ANK3: variants seen among roughly 807,000 people sequenced by gnomAD.
ANK3 encodes the protein ankyrin 3.
Under a neutral mutation model 370.9 loss-of-function variants are expected in ANK3, and 57 were observed. The observed-to-expected ratio is 0.15, with a 90% CI of 0.12 to 0.19. The LOEUF (loss-of-function observed/expected upper bound fraction) is 0.19. ANK3 is among the 10% of genes least tolerant of loss of function. ANK3 has a pLI of 1.00. For synonymous variants in ANK3, 1,929 were observed against 1,946.3 expected, an observed-to-expected ratio of 0.99 and a Z score of 0.23; for missense variants, 4,439 against 5,302.1, an observed-to-expected ratio of 0.84 and a Z score of 5.06.
chr10:60,312,164 A>T (rs1306578021), intron 1 of ANK3, among the ~76,000 whole-genome samples: 1 of 152,236 alleles, frequency 6.6e-6, no homozygotes, highest in East Asian at 1.9e-4. Context: ...CCAAGGGAAG[A>T]AGTCAAGCAA....
intron 1 of ANK3, among the ~76,000 whole-genome samples, chr10:60,297,376 A>T (rs918654947): frequency 6.6e-6 from 1 of 152,186 alleles, no homozygotes; most frequent in African/African-American, 2.4e-5. Flanking sequence ...AAAATAAAAG[A>T]ATTAAATTCC....
In ANK3 at chr10:60,102,110, T is replaced by C. The variant is rs138241508; in HGVS notation, c.3328+3795A>G. On this transcript the variant is annotated intron_variant, in intron 28 of 43. Coordinates refer to ENST00000280772, the MANE Select transcript of ANK3 (RefSeq NM_020987.5). The stretch of plus-strand genomic sequence containing the variant: ...CTTTTACTAGCTGATGTAGTGTCTT[T>C]GTACGATTTGGAAAAGGGTGCCCAC... 4.4e-3 allele frequency among the ~76,000 whole-genome samples: 663 copies of C among 150,800 alleles called. 7 individuals carry two copies. The highest frequency in any genetic ancestry group is 0.016 in the African/African-American group (635 of 40,954).
At chr10:60,441,568 A>G (rs2064300102) in intron 2 of ANK3, among the ~76,000 whole-genome samples, 1 of 152,184 alleles carries the variant, frequency 6.6e-6, no homozygotes, top group Admixed American at 6.5e-5. Context: ...ACATGGCTGG[A>G]ATTCCTATTA....
At chr10:60,572,657 G>A (rs564146372) in intron 2 of ANK3, 8 of 1,450,466 alleles carry the variant, frequency 5.5e-6, no homozygotes, top group Middle Eastern at 1.8e-4. Flanking sequence ...CAAAGCAGCC[G>A]CTGCTTAAAC....
chr10:60,279,413 T>C (rs2098132008), intron 2 of ANK3, 125 bp downstream of exon 2: 1 of 786,834 alleles, frequency 1.3e-6, no homozygotes, highest in Non-Finnish European at 2.1e-6. Context: ...AGAGAATAAT[T>C]TGACAATGAC....
At chr10:60,338,880 T>C (rs532090976) in intron 1 of ANK3, among the ~76,000 whole-genome samples, 1 of 151,810 alleles carries the variant, frequency 6.6e-6, no homozygotes, top group South Asian at 2.1e-4. Flanking sequence ...ATATTTAATG[T>C]AGAAAAATTT....
chr10:60,496,684 AG>A (rs1432522947), intron 2 of ANK3, among the ~76,000 whole-genome samples: 1 of 150,642 alleles, frequency 6.6e-6, no homozygotes. Flanking sequence ...CCAAGATAAG[AG>A]ACTTGTTCAA....
At chr10:60,721,100 T>C (rs1369624640) in intron 1 of ANK3, among the ~76,000 whole-genome samples, 1 of 152,206 alleles carries the variant, frequency 6.6e-6, no homozygotes, top group East Asian at 1.9e-4. Flanking sequence ...CATTGTCCAG[T>C]TAGTTAGGGA....
chr10:60,240,195 CACACACACAT>C (rs2097423138), intron 7 of ANK3, among the ~76,000 whole-genome samples: 6 of 130,522 alleles, frequency 4.6e-5, no homozygotes, highest in African/African-American at 1.9e-4. Context: ...CATATATATA[CACACACACAT>C]ATATATACAC....
intron 2 of ANK3, among the ~76,000 whole-genome samples, chr10:60,475,771 C>T (rs887397660): frequency 6.6e-6 from 1 of 152,158 alleles, no homozygotes; most frequent in African/African-American, 2.4e-5. Context: ...AAGACTCTGG[C>T]CATATCCCAC....
intron 2 of ANK3, among the ~76,000 whole-genome samples, chr10:60,418,235 G>T (rs1052220541): frequency 6.6e-6 from 1 of 152,132 alleles, no homozygotes; most frequent in Non-Finnish European, 1.5e-5. Flanking sequence ...GTTTTCAAAA[G>T]CTTCCCCAAC....
At position 60,114,856 on chromosome 10, in the gene ANK3, G is replaced by A. The variant is rs1051105820; in HGVS notation, c.2842-525C>T. On this transcript the variant is annotated intron_variant, in intron 25 of 43. Transcript: ENST00000280772. ...AACTAAAAGAACTACCAAACTCTGG[G>A]AGGGTGAACATCTTCAGGAGTTGAG... Among the ~76,000 whole-genome samples, 81 of 152,198 alleles carry A rather than the reference G, an allele frequency of 5.3e-4. 1 individual carries two copies. The highest frequency in any genetic ancestry group is 1.9e-3 in the African/African-American group (78 of 41,450).
At chr10:60,440,532 G>A (rs1395691836) in intron 2 of ANK3, among the ~76,000 whole-genome samples, 1 of 151,978 alleles carries the variant, frequency 6.6e-6, no homozygotes, top group African/African-American at 2.4e-5. Context: ...AGCATGGGGG[G>A]AACCACCCCC....
intron 25 of ANK3, among the ~76,000 whole-genome samples, chr10:60,117,430 C>T (rs1320700390): frequency 6.6e-6 from 1 of 152,132 alleles, no homozygotes; most frequent in Admixed American, 6.5e-5. Context: ...ATTTGTACAA[C>T]TGGGGGAGAG....
chr10:60,428,986 T>A (rs1183141751), intron 2 of ANK3, among the ~76,000 whole-genome samples: 1 of 151,826 alleles, frequency 6.6e-6, no homozygotes, highest in Non-Finnish European at 1.5e-5. Flanking sequence ...TATGTGTTAT[T>A]GGATAATATA....
At chr10:60,045,051 A>T (rs1249539743) in intron 42 of ANK3, among the ~76,000 whole-genome samples, 1 of 152,230 alleles carries the variant, frequency 6.6e-6, no homozygotes, top group Non-Finnish European at 1.5e-5. Flanking sequence ...CTATGCACCC[A>T]CAATCTATAA....
At chr10:60,293,574 T>C (rs2132764536) in intron 1 of ANK3, among the ~76,000 whole-genome samples, 1 of 151,928 alleles carries the variant, frequency 6.6e-6, no homozygotes. Flanking sequence ...AGAATTTGGG[T>C]TCCCTGGCTT....
intron 35 of ANK3, chr10:60,081,822 C>A: frequency 8.6e-6 from 2 of 231,558 alleles, no homozygotes; most frequent in South Asian, 6.9e-5. Context: ...ACTCTTTTCC[C>A]CCTTTCTCAC....
At chr10:60,493,986 T>C (rs945154452) in intron 2 of ANK3, among the ~76,000 whole-genome samples, 1 of 152,176 alleles carries the variant, frequency 6.6e-6, no homozygotes, top group Non-Finnish European at 1.5e-5. Flanking sequence ...TTTCCTCTGC[T>C]AGCAACTAGG....
Sources: allele counts gnomAD v4.1 joint callset (sites outside exome capture counted in the v4.1 genomes callset), GRCh38; gene constraint gnomAD v4.1.1; transcripts MANE v1.5; gene names NCBI Gene and HGNC (gene_info 2026-07-23, HGNC 2026-07-21).